MALRD1: variants seen among roughly 807,000 people sequenced by gnomAD.
MALRD1 encodes MAM and LDL-receptor class A domain-containing protein 1.
In MALRD1, 247 loss-of-function variants were observed where a neutral mutation model predicts 242.1. That is an observed-to-expected ratio of 1.02 (90% CI 0.92 to 1.13). The LOEUF (loss-of-function observed/expected upper bound fraction) is 1.13. Ranked by LOEUF, MALRD1 falls within the 50% of genes most tolerant of loss-of-function variation. The pLI, the probability that MALRD1 is intolerant of heterozygous loss-of-function variation, is 0.00. For missense variants in MALRD1, 2,989 were observed against 2,533.1 expected (o/e 1.18, Z -3.86); for synonymous variants, 995 against 866.6 (o/e 1.15, Z -2.60).
At chr10:19,453,443 A>G (rs927788586) in intron 29 of MALRD1, among the ~76,000 whole-genome samples, 5 of 152,206 alleles carry the variant, frequency 3.3e-5, no homozygotes, top group African/African-American at 4.8e-5. Flanking sequence ...GTTTATAGTG[A>G]TCATTGTACA....
intron 19 of MALRD1, among the ~76,000 whole-genome samples, chr10:19,262,664 A>C (rs1164369393): frequency 1.3e-5 from 2 of 151,892 alleles, no homozygotes. Flanking sequence ...TCAAAAAAAA[A>C]AAAAAAAAAG....
In MALRD1 at chr10:19,163,013, C is replaced by T. The variant is rs186155684; in HGVS notation, c.1657-2624C>T. Among the ~76,000 whole-genome samples, 10 of 151,092 alleles carry T rather than the reference C, an allele frequency of 6.6e-5. No individual in the cohort carries two copies. The East Asian group carries it at 2.0e-3, about 30-fold the overall frequency. On this transcript the variant is annotated intron_variant, in intron 12 of 39. Coordinates refer to ENST00000454679, the MANE Select transcript of MALRD1 (RefSeq NM_001142308.3). ...ATTAGCTGGGTGTGGTGGTGCAAGC[C>T]TGTAGTCCCAATTACTGAGAAGGCT...
intron 21 of MALRD1, among the ~76,000 whole-genome samples, chr10:19,295,714 A>C (rs1183003173): frequency 6.6e-6 from 1 of 152,088 alleles, no homozygotes; most frequent in Non-Finnish European, 1.5e-5. Context: ...AGCTCCAGGA[A>C]GGTAGAAAGG....
intron 5 of MALRD1, among the ~76,000 whole-genome samples, chr10:19,117,267 C>G (rs1292213579): frequency 4.6e-5 from 7 of 151,964 alleles, no homozygotes; most frequent in Admixed American, 2.0e-4. Context: ...CATACCAGGC[C>G]AAAATACTTA....
At chr10:19,071,198 T>G (rs1172518783) in intron 2 of MALRD1, among the ~76,000 whole-genome samples, 1 of 151,964 alleles carries the variant, frequency 6.6e-6, no homozygotes, top group Non-Finnish European at 1.5e-5. Context: ...AAAATATCAA[T>G]TCAATTCCTC....
intron 29 of MALRD1, among the ~76,000 whole-genome samples, chr10:19,487,035 T>A (rs532745324): frequency 6.6e-6 from 1 of 152,296 alleles, no homozygotes; most frequent in East Asian, 1.9e-4. Flanking sequence ...GTTAGGTCTT[T>A]ACATCTCTGT....
chr10:19,645,669 A>G (rs915825406), intron 36 of MALRD1, among the ~76,000 whole-genome samples: 4 of 151,928 alleles, frequency 2.6e-5, no homozygotes, highest in African/African-American at 9.7e-5. Context: ...ATAGGTGGGA[A>G]TTGAACAATG....
At chr10:19,486,013 G>C (rs1467627609) in intron 29 of MALRD1, among the ~76,000 whole-genome samples, 1 of 151,994 alleles carries the variant, frequency 6.6e-6, no homozygotes, top group Admixed American at 6.6e-5. Context: ...TTGTGTATAT[G>C]TTATGATTAC....
chr10:19,323,924 A>C lies in MALRD1; in HGVS notation c.3420-25A>C, dbSNP rs1038784002. The C allele has an allele frequency of 2.6e-6, 4 of 1,548,862 alleles. No individual in the cohort carries two copies. The African/African-American group carries it at 5.5e-5, about 21-fold the overall frequency. On this transcript the variant is annotated intron_variant, in intron 21 of 39. Transcript: ENST00000454679. ...CCGTGCCCGGCCTCTTATTCCTTTT[A>C]TAATATGATAAATTCCTTTTCCAGA...
At chr10:19,120,786 C>T (rs1837031708) in intron 5 of MALRD1, among the ~76,000 whole-genome samples, 1 of 152,102 alleles carries the variant, frequency 6.6e-6, no homozygotes, top group Non-Finnish European at 1.5e-5. Context: ...CTCTTGTTGC[C>T]CAAGCTGGAG....
chr10:19,628,958 G>T (rs1442759377), intron 36 of MALRD1, among the ~76,000 whole-genome samples: 1 of 152,138 alleles, frequency 6.6e-6, no homozygotes, highest in East Asian at 1.9e-4. Context: ...AAGCAAGACA[G>T]ACCAGGAATG....
chr10:19,302,000 CAAAT>C (rs940989600), intron 21 of MALRD1, among the ~76,000 whole-genome samples: 4 of 151,762 alleles, frequency 2.6e-5, no homozygotes, highest in African/African-American at 9.6e-5. Flanking sequence ...AGCTAAAAGT[CAAAT>C]AAAAGAAGCT....
chr10:19,333,641 A>G (rs1329107334), intron 24 of MALRD1, among the ~76,000 whole-genome samples: 2 of 152,080 alleles, frequency 1.3e-5, no homozygotes, highest in African/African-American at 4.8e-5. Flanking sequence ...AAAAAGATCT[A>G]TTTTCCTTTG....
At chr10:19,562,549 C>A (rs1313956008) in intron 32 of MALRD1, among the ~76,000 whole-genome samples, 1 of 152,122 alleles carries the variant, frequency 6.6e-6, no homozygotes, top group African/African-American at 2.4e-5. Flanking sequence ...GCAGGAGTAC[C>A]TTTCCCTGGT....
chr10:19,097,879 T>C (rs941362524), intron 4 of MALRD1, among the ~76,000 whole-genome samples: 2 of 152,336 alleles, frequency 1.3e-5, no homozygotes, highest in East Asian at 3.9e-4. Flanking sequence ...CAAAAGATTG[T>C]AGCAGAGCAC....
chr10:19,693,303 C>T (rs1833197229), intron 38 of MALRD1, among the ~76,000 whole-genome samples: 1 of 151,914 alleles, frequency 6.6e-6, no homozygotes, highest in Admixed American at 6.6e-5. Context: ...TTGCAGACGA[C>T]ATGATTGTAT....
chr10:19,568,042 C>A (rs937564449), intron 33 of MALRD1, among the ~76,000 whole-genome samples: 3 of 152,182 alleles, frequency 2.0e-5, no homozygotes, highest in Non-Finnish European at 4.4e-5. Flanking sequence ...TACCTATTAT[C>A]TTCCAGACTG....
chr10:19,705,707 CCTT>C (rs1183446796), intron 38 of MALRD1, among the ~76,000 whole-genome samples: 5 of 150,528 alleles, frequency 3.3e-5, no homozygotes, highest in South Asian at 4.2e-4. Flanking sequence ...TCCTCCTCCT[CCTT>C]TTTTCTTCTT....
At chr10:19,096,734 A>G (rs144125499) in intron 4 of MALRD1, among the ~76,000 whole-genome samples, 11 of 152,352 alleles carry the variant, frequency 7.2e-5, no homozygotes, top group Admixed American at 1.3e-4. Context: ...GCCTCTCAGA[A>G]TTATTTCATT....
Sources: allele counts gnomAD v4.1 joint callset (sites outside exome capture counted in the v4.1 genomes callset), GRCh38; gene constraint gnomAD v4.1.1; transcripts MANE v1.5; gene names NCBI Gene and HGNC (gene_info 2026-07-23, HGNC 2026-07-21).